Variants in ARHGEF18 observed in about 807,000 individuals in gnomAD.
ARHGEF18 encodes rho guanine nucleotide exchange factor 18.
In ARHGEF18, 93 loss-of-function variants were observed where a neutral mutation model predicts 155.7. The observed-to-expected ratio is 0.60, with a 90% CI of 0.50 to 0.71. ARHGEF18 has a LOEUF of 0.71. Among genes scored for constraint, ARHGEF18 ranks in the 30% least tolerant of loss-of-function variants. The pLI is 0.00. For missense variants in ARHGEF18, 1,593 were observed against 1,816.1 expected, an observed-to-expected ratio of 0.88 and a Z score of 2.23; for synonymous variants, 742 against 753.1, an observed-to-expected ratio of 0.99 and a Z score of 0.24.
intron 15 of ARHGEF18, among the ~76,000 whole-genome samples, chr19:7,450,576 C>CCGTTTCCGCGATGTTAACGCGG (rs1568347610): frequency 1.9e-4 from 5 of 26,316 alleles, no homozygotes; most frequent in Admixed American, 3.4e-4. Flanking sequence ...GTGTGAATGT[C>CCGTTTCCGCGATGTTAACGCGG]GATCTTGCTT....
intron 10 of ARHGEF18, among the ~76,000 whole-genome samples, chr19:7,439,280 A>ACCCC (rs113289764): frequency 3.9e-4 from 57 of 145,016 alleles, no homozygotes; most frequent in African/African-American, 1.1e-3. Flanking sequence ...ACATAGTGAG[A>ACCCC]CCCCCCCCCA....
chr19:7,394,142 T>C (rs551545733), intron 10 of ARHGEF18, among the ~76,000 whole-genome samples: 5 of 151,388 alleles, frequency 3.3e-5, no homozygotes, highest in African/African-American at 1.2e-4. Flanking sequence ...CCTCAGCCTC[T>C]GGAGGCATGA....
At chr19:7,477,427 G>A (rs1489718836), downstream of ARHGEF18, 2 of 1,448,650 alleles carry the variant, frequency 1.4e-6, no homozygotes, top group Non-Finnish European at 1.8e-6. Context: ...GCTTGCCCCG[G>A]GGCAGCGGGC....
In ARHGEF18 at chr19:7,415,907, G is replaced by A. The variant is rs181863675; in HGVS notation, c.968-24437G>A. The stretch of plus-strand genomic sequence containing the variant: ...CGCTTGCTAAAATTTCTCTGTAACC[G>A]CAACATGAATCCATTCATATTGGTG... On this transcript the variant is annotated intron_variant, in intron 10 of 28. Transcript: ENST00000668164. Among the ~76,000 whole-genome samples the A allele has an allele frequency of 9.2e-4, 140 of 152,206 alleles. 1 individual carries two copies. The highest frequency in any genetic ancestry group is 8.9e-3 in the Admixed American group (136 of 15,266).
chr19:7,456,248 G>C lies in ARHGEF18; in HGVS notation c.2105-79G>C, dbSNP rs1202353496. The C allele has an allele frequency of 7.8e-6, 10 of 1,287,116 alleles. No individual in the cohort carries two copies. In the Admixed American group the frequency reaches 1.0e-4, roughly 13 times the overall value. The allele number at this position is 1,287,116 out of a possible 1,614,324, so 79.7% of individuals were successfully genotyped here. ...CATGCTGCTTACACCTTCCTGGGAA[G>C]TGGCATCCGCGGGGGTGGCCAGCAA... On this transcript the variant is annotated intron_variant, in intron 17 of 28. Transcript: ENST00000668164.
chr19:7,467,892 C>G (rs928040370), intron 26 of ARHGEF18, among the ~76,000 whole-genome samples: 1 of 151,094 alleles, frequency 6.6e-6, no homozygotes, highest in Non-Finnish European at 1.5e-5. Flanking sequence ...CGCTGTTGCT[C>G]AAAACATGCC....
At position 7,467,417 on chromosome 19, in the gene ARHGEF18, G is replaced by T; in HGVS notation, c.3213G>T (p.Glu1071Asp). 1 of 1,532,218 alleles carries T rather than the reference G, an allele frequency of 6.5e-7. No homozygotes were observed. 94.9% of individuals were successfully genotyped at this position (1,532,218 alleles called of 1,614,324 possible). Residue 1071 changes from glutamate to aspartate, a missense_variant, in exon 26 of 29, where the codon GAG (glutamate) becomes GAT (aspartate). Physicochemically the swap from Glu to Asp is conservative, Grantham distance 45. Transcript: ENST00000668164. Reference protein sequence around the residue: ...SQLRHEQQRWERERQWQHQEL... With the variant: ...SQLRHEQQRWDRERQWQHQEL... ...TGCGGCACGAGCAGCAGCGCTGGGA[G>T]CGCGAGCGCCAGTGGCAGCACCAGG...
chr19:7,468,706 C>A, intron 26 of ARHGEF18, 119 bp from the exon 27 acceptor site: 1 of 1,142,428 alleles, frequency 8.8e-7, no homozygotes, highest in Non-Finnish European at 1.2e-6. Context: ...CTTCAGGCTG[C>A]ACCTGGCTCT....
chr19:7,404,494 C>G (rs1972193400), intron 10 of ARHGEF18, among the ~76,000 whole-genome samples: 1 of 135,184 alleles, frequency 7.4e-6, no homozygotes, highest in Admixed American at 8.0e-5. Flanking sequence ...GAGTCTCGCT[C>G]TGTCACCCAG....
intron 10 of ARHGEF18, among the ~76,000 whole-genome samples, chr19:7,420,336 C>T (rs770199475): frequency 6.6e-6 from 1 of 152,166 alleles, no homozygotes; most frequent in Non-Finnish European, 1.5e-5. Flanking sequence ...AATCTGCAAC[C>T]TCCACCTACC....
At chr19:7,435,287 C>A (rs1974194205) in intron 10 of ARHGEF18, among the ~76,000 whole-genome samples, 1 of 151,998 alleles carries the variant, frequency 6.6e-6, no homozygotes. Flanking sequence ...TTTTAGGGTA[C>A]CCAGGATTTG....
intron 7 of ARHGEF18, among the ~76,000 whole-genome samples, chr19:7,380,081 A>G (rs1178314779): frequency 6.7e-6 from 1 of 149,594 alleles, no homozygotes; most frequent in Non-Finnish European, 1.5e-5. Flanking sequence ...GGGGGTGTTG[A>G]CGCAGGAGGA....
rs765089128 is a variant in ARHGEF18 at position 7,440,413 on chromosome 19, G to A, written c.1037G>A (p.Gly346Asp). 1 of 1,605,946 alleles carries A rather than the reference G, an allele frequency of 6.2e-7. No individual in the cohort carries two copies. Among genetic ancestry groups the A allele is most frequent in the South Asian group, 1.1e-5 (1 of 91,088 alleles). Residue 346 changes from glycine (G) to aspartate (D), a missense_variant, in exon 11 of 29, where the codon GGT becomes GAT. Physicochemically the swap from Gly to Asp is moderately conservative, Grantham distance 94. Coordinates refer to ENST00000668164, the MANE Select transcript of ARHGEF18 (RefSeq NM_001367823.1). The surrounding 1 kb of genome is among the most constrained non-coding windows in gnomAD (Gnocchi z 5.4). ...AGCCCGGCCCTGTCCAGGAATGTCG[G>A]TATGACGGTCTCTCAGAAAGGGGGT... ...DGSPALSRNV[G>D]MTVSQKGGPQ...
At chr19:7,356,817 C>T (rs1359556580) in intron 1 of ARHGEF18, among the ~76,000 whole-genome samples, 1 of 152,182 alleles carries the variant, frequency 6.6e-6, no homozygotes, top group Non-Finnish European at 1.5e-5. Flanking sequence ...CCTGCATGAG[C>T]CACGTACTTG....
At chr19:7,378,366 G>A (rs1033296060) in intron 5 of ARHGEF18, 28 bp from the exon 6 acceptor site, 2 of 1,234,064 alleles carry the variant, frequency 1.6e-6, no homozygotes, top group South Asian at 4.1e-5. Flanking sequence ...TGACAACTGT[G>A]CTTCCTGGGA....
Position 7,462,356 on chromosome 19 carries a change from C to G in ARHGEF18, c.2635+22C>G, listed in dbSNP as rs566368774. ...GAGAGTAAGTTGGCTGCCCACACCT[C>G]AAGGGTGCAGTCTTGCCGGGGTGGG... On this transcript the variant is annotated intron_variant, in intron 21 of 28. Coordinates refer to ENST00000668164, the MANE Select transcript of ARHGEF18 (RefSeq NM_001367823.1). This position sits in a 1 kb window ranked among gnomAD's most constrained non-coding sequence, Gnocchi z 4.4. 2 of 1,564,756 alleles carry G rather than the reference C, an allele frequency of 1.3e-6. No homozygotes were observed. Among genetic ancestry groups the G allele is most frequent in the South Asian group, 1.2e-5 (1 of 82,030 alleles).
rs1278860755 is a variant in ARHGEF18 at position 7,462,907 on chromosome 19, G to A, written c.2635+573G>A. Among the ~76,000 whole-genome samples, 2 of 149,142 alleles carry A rather than the reference G, an allele frequency of 1.3e-5. No individual in the cohort carries two copies. The highest frequency in any genetic ancestry group is 5.0e-5 in the African/African-American group (2 of 40,100). ...GCTGGAGTGCAGTGGCGTGATCTCG[G>A]CTCACTGCAACCTCCACCTCCTGGG... On this transcript the variant is annotated intron_variant, in intron 21 of 28. Transcript: ENST00000668164. This position sits in a 1 kb window ranked among gnomAD's most constrained non-coding sequence, Gnocchi z 4.4.
intron 10 of ARHGEF18, among the ~76,000 whole-genome samples, chr19:7,404,946 G>C (rs1270259834): frequency 3.3e-5 from 5 of 150,060 alleles, no homozygotes; most frequent in Non-Finnish European, 4.4e-5. Flanking sequence ...GTGTGCGACA[G>C]ACTCGGGTGC....
At chr19:7,365,467 G>A (rs1395659698) in intron 2 of ARHGEF18, among the ~76,000 whole-genome samples, 1 of 152,146 alleles carries the variant, frequency 6.6e-6, no homozygotes, top group Admixed American at 6.6e-5. Flanking sequence ...CAGATGTCAT[G>A]GAAGGTCCCG....
Sources: gnomAD v4.1 joint callset for allele counts (sites outside exome capture counted in the v4.1 genomes callset) on GRCh38, gnomAD v4.1.1 for gene constraint, Gnocchi (gnomAD v3.1) non-coding constraint, MANE v1.5 for transcripts, NCBI Gene and HGNC (gene_info 2026-07-23, HGNC 2026-07-21) for gene names.